TTLL10: variants seen among roughly 807,000 people sequenced by gnomAD.
TTLL10 encodes tubulin tyrosine ligase like 10, also known as inactive polyglycylase TTLL10.
A neutral mutation model predicts 69.0 loss-of-function variants in TTLL10; 61 were observed. That is an observed-to-expected ratio of 0.88 (90% CI 0.72 to 1.09). The LOEUF is 1.09. Among genes scored for constraint, TTLL10 ranks in the 50% least tolerant of loss-of-function variants. The pLI is 0.00. For missense variants in TTLL10, 962 were observed against 945.9 expected (o/e 1.02, Z -0.22); for synonymous variants, 408 against 393.3 (o/e 1.04, Z -0.44).
In TTLL10 at chr1:1,197,707, G is replaced by A. The variant is rs1485531370; in HGVS notation, c.1882G>A (p.Asp628Asn). The A allele has an allele frequency of 1.4e-5, 22 of 1,524,118 alleles. No individual in the cohort carries two copies. The highest frequency in any genetic ancestry group is 7.1e-5 in the African/African-American group (5 of 70,710). The allele number at this position is 1,524,118 out of a possible 1,614,324, so 94.4% of individuals were successfully genotyped here. Residue 628 changes from aspartate (D) to asparagine (N), a missense_variant, in exon 16 of 16, where the codon GAC becomes AAC. Physicochemically the swap from Asp to Asn is conservative, Grantham distance 23. Coordinates refer to ENST00000379289, the MANE Select transcript of TTLL10 (RefSeq NM_001130045.2). ...GCAGCGTCCCCGGCCACCCGGCCCC[G>A]ACCTGGACAGCGCCCACGATGGGGA... ...VPQRPRPPGP[D>N]LDSAHDGEPQ...
intron 10 of TTLL10, 39 bp from the exon 11 acceptor site, chr1:1,182,837 T>TG (rs1557480452): frequency 1.3e-6 from 2 of 1,513,302 alleles, no homozygotes; most frequent in Admixed American, 2.0e-5. Flanking sequence ...GTGGCTGGGT[T>TG]GGGGGCGAGG....
At chr1:1,180,974 C>T (rs1647047443) in intron 8 of TTLL10, 114 bp downstream of exon 8, 9 of 993,720 alleles carry the variant, frequency 9.1e-6, no homozygotes, top group Non-Finnish European at 9.5e-6. Flanking sequence ...GCCCTTGCCC[C>T]TGCCCCTGGC....
chr1:1,191,571 G>A (rs77119577), intron 13 of TTLL10, among the ~76,000 whole-genome samples: 1 of 152,114 alleles, frequency 6.6e-6, no homozygotes, highest in South Asian at 2.1e-4. Context: ...CCTGTTTTTG[G>A]GTGTAGTGTT....
chr1:1,179,189 G>A lies in TTLL10; in HGVS notation c.-27G>A, dbSNP rs1430011087. On this transcript the variant is annotated splice_region_variant and 5_prime_UTR_variant, in exon 4 of 16. Coordinates refer to ENST00000379289, the MANE Select transcript of TTLL10 (RefSeq NM_001130045.2). The stretch of plus-strand genomic sequence containing the variant: ...GGTCAGAGCGGCATCTTCCCTTCAG[G>A]GCCCTCGCCCGGGCACCCCCCGGCC... 6.6e-7 allele frequency: 1 copy of A among 1,510,198 alleles called. No individual in the cohort carries two copies. The highest frequency in any genetic ancestry group is 2.1e-5 in the Admixed American group (1 of 46,984). 93.5% of individuals were successfully genotyped at this position (1,510,198 alleles called of 1,614,324 possible).
At chr1:1,183,489 C>T (rs931711382) in intron 11 of TTLL10, among the ~76,000 whole-genome samples, 3 of 152,178 alleles carry the variant, frequency 2.0e-5, no homozygotes, top group African/African-American at 7.2e-5. Context: ...CCCCGGCCCT[C>T]GTAGAGCCTC....
At position 1,187,773 on chromosome 1, in the gene TTLL10, C is replaced by T. The variant is rs1357801952; in HGVS notation, c.1401+2664C>T. 5.3e-5 allele frequency among the ~76,000 whole-genome samples: 8 copies of T among 151,854 alleles called. No individual in the cohort carries two copies. The South Asian group carries it at 8.4e-4, about 16-fold the overall frequency. ...TACAAAAATTAGCTGGGTGTGGTGGCGTGCACCTGTAGTCCCAGCTACTCA... is the reference window on the plus strand; with the variant it reads ...TACAAAAATTAGCTGGGTGTGGTGGTGTGCACCTGTAGTCCCAGCTACTCA... On this transcript the variant is annotated intron_variant, in intron 13 of 15. Transcript: ENST00000379289.
Position 1,181,898 on chromosome 1 carries a change from G to T in TTLL10, c.830+83G>T. 1.5e-6 allele frequency: 2 copies of T among 1,349,696 alleles called. No individual in the cohort carries two copies. The highest frequency in any genetic ancestry group is 2.5e-5 in the East Asian group (1 of 40,210). 83.6% of individuals were successfully genotyped at this position (1,349,696 alleles called of 1,614,324 possible). Reference sequence around the variant, plus strand: ...TGTCGTCTGAAAAGGAGAAAGCGGGGCGGGGGTCCCACACAAAGGAAAACC... The same window carrying T: ...TGTCGTCTGAAAAGGAGAAAGCGGGTCGGGGGTCCCACACAAAGGAAAACC... On this transcript the variant is annotated intron_variant, in intron 9 of 15. Coordinates refer to ENST00000379289, the MANE Select transcript of TTLL10 (RefSeq NM_001130045.2). The surrounding 1 kb of genome is among the most constrained non-coding windows in gnomAD (Gnocchi z 4.6).
At chr1:1,195,625 G>A (rs775367673) in intron 13 of TTLL10, among the ~76,000 whole-genome samples, 2 of 150,894 alleles carry the variant, frequency 1.3e-5, no homozygotes, top group African/African-American at 2.4e-5. Context: ...GATTACAGAC[G>A]TGAGCCACTG....
chr1:1,192,772 A>AGTGTAGACACTCCAGTTGG (rs1647914941), intron 13 of TTLL10, among the ~76,000 whole-genome samples: 1 of 73,040 alleles, frequency 1.4e-5, no homozygotes, highest in South Asian at 5.1e-4. Context: ...CCAGTTGTTC[A>AGTGTAGACACTCCAGTTGG]TATCAGTGTA....
In TTLL10 at chr1:1,196,563, C is replaced by T. The variant is rs192368296; in HGVS notation, c.1402-37C>T. The T allele has an allele frequency of 3.1e-5, 46 of 1,489,236 alleles. No homozygotes were observed. The South Asian group carries it at 3.9e-4, about 13-fold the overall frequency. 92.3% of individuals were successfully genotyped at this position (1,489,236 alleles called of 1,614,324 possible). A position where few individuals can be genotyped will look rare whatever the true frequency, so the allele number is the denominator to read the frequency against. ...AGACCTGGGGTGTGATCAGGGCCTA[C>T]GGGCCGCAGCCAGGATGCCTCCCTG... On this transcript the variant is annotated intron_variant, in intron 13 of 15. Coordinates refer to ENST00000379289, the MANE Select transcript of TTLL10 (RefSeq NM_001130045.2).
intron 13 of TTLL10, among the ~76,000 whole-genome samples, chr1:1,192,034 G>A (rs996715013): frequency 6.6e-6 from 1 of 152,242 alleles, no homozygotes; most frequent in African/African-American, 2.4e-5. Context: ...ATGTCACAGT[G>A]CTGCAGAGAT....
At chr1:1,177,593 G>A (rs931683074) in intron 3 of TTLL10, among the ~76,000 whole-genome samples, 4 of 152,236 alleles carry the variant, frequency 2.6e-5, no homozygotes, top group African/African-American at 9.6e-5. Context: ...TTACAGGCGT[G>A]AGCCTCCGCG....
chr1:1,183,142 G>T lies in TTLL10; in HGVS notation c.1088+95G>T, dbSNP rs538318674. On this transcript the variant is annotated intron_variant, in intron 11 of 15. Coordinates refer to ENST00000379289, the MANE Select transcript of TTLL10 (RefSeq NM_001130045.2). ...CAGGGCCGCCGAGGAGCCCTTGGTCGTGGAAAGCAGCCGCACCACCAGCCC... is the reference window on the plus strand; with the variant it reads ...CAGGGCCGCCGAGGAGCCCTTGGTCTTGGAAAGCAGCCGCACCACCAGCCC... 2.1e-6 allele frequency: 3 copies of T among 1,418,198 alleles called. No homozygotes were observed. In the Admixed American group the frequency reaches 7.5e-5, roughly 35 times the overall value. The allele number at this position is 1,418,198 out of a possible 1,614,324, so 87.9% of individuals were successfully genotyped here. A position where few individuals can be genotyped will look rare whatever the true frequency, so the allele number is the denominator to read the frequency against.
chr1:1,186,559 T>C (rs1209624406), intron 13 of TTLL10, among the ~76,000 whole-genome samples: 1 of 152,170 alleles, frequency 6.6e-6, no homozygotes, highest in Non-Finnish European at 1.5e-5. Context: ...TACCCAGGAA[T>C]GGAGTCGTGG....
At chr1:1,190,661 T>G (rs1203121744) in intron 13 of TTLL10, among the ~76,000 whole-genome samples, 2 of 151,816 alleles carry the variant, frequency 1.3e-5, no homozygotes, top group African/African-American at 4.8e-5. Flanking sequence ...AACTCTCTTT[T>G]TCTAATTTCT....
intron 13 of TTLL10, among the ~76,000 whole-genome samples, chr1:1,192,532 TGA>T (rs1490176598): frequency 6.6e-6 from 1 of 151,804 alleles, no homozygotes; most frequent in Non-Finnish European, 1.5e-5. Context: ...CCAGTTGGTA[TGA>T]GTGTAGACAC....
chr1:1,194,966 G>A (rs1205659653), intron 13 of TTLL10, among the ~76,000 whole-genome samples: 1 of 151,952 alleles, frequency 6.6e-6, no homozygotes, highest in Non-Finnish European at 1.5e-5. Context: ...AGTCTCTGAG[G>A]CTTTATTTTT....
intron 13 of TTLL10, among the ~76,000 whole-genome samples, chr1:1,191,820 G>A (rs141219228): frequency 2.0e-5 from 3 of 152,366 alleles, no homozygotes; most frequent in African/African-American, 4.8e-5. Flanking sequence ...TACGGGAAAC[G>A]AAGGGATGGG....
chr1:1,189,158 G>A (rs11577350), intron 13 of TTLL10, among the ~76,000 whole-genome samples: 3,289 of 151,968 alleles, frequency 0.022, 45 homozygotes, highest in Non-Finnish European at 0.031. Context: ...ACATATTGCC[G>A]GCTACTTCCA....
Sources: allele counts gnomAD v4.1 joint callset (sites outside exome capture counted in the v4.1 genomes callset), GRCh38; gene constraint gnomAD v4.1.1; non-coding constraint Gnocchi (gnomAD v3.1); transcripts MANE v1.5; gene names NCBI Gene and HGNC (gene_info 2026-07-23, HGNC 2026-07-21).